The following PLPPR1 variants were observed in gnomAD, a reference collection of about 807,000 sequenced individuals.
PLPPR1 encodes the protein phospholipid phosphatase-related protein type 1.
In PLPPR1, 10 loss-of-function variants were observed where a neutral mutation model predicts 33.1. The ratio of observed to expected loss-of-function variants is 0.30; its 90% CI spans 0.19 to 0.51. The LOEUF (loss-of-function observed/expected upper bound fraction) is 0.51. Ranked by LOEUF, PLPPR1 falls within the 20% of genes least tolerant of loss-of-function variation. The probability of loss-of-function intolerance (pLI) is 0.97; values close to 1 mark genes in which losing one functional copy is unlikely to be tolerated. For synonymous variants in PLPPR1, 151 were observed against 151.0 expected (o/e 1.00, Z 0.00); for missense variants, 304 against 408.1 (o/e 0.74, Z 2.20).
intron 1 of PLPPR1, among the ~76,000 whole-genome samples, chr9:101,063,413 T>C (rs751003498): frequency 6.6e-6 from 1 of 152,058 alleles, no homozygotes; most frequent in South Asian, 2.1e-4. Context: ...AGTACCCTTC[T>C]AGTGGTGGCA....
At chr9:101,044,475 C>G (rs539921053) in intron 1 of PLPPR1, among the ~76,000 whole-genome samples, 1 of 152,288 alleles carries the variant, frequency 6.6e-6, no homozygotes, top group East Asian at 1.9e-4. Flanking sequence ...TGAGAATTTT[C>G]TTAACCCCTC....
intron 1 of PLPPR1, among the ~76,000 whole-genome samples, chr9:101,052,129 C>T (rs1441036577): frequency 6.6e-6 from 1 of 152,052 alleles, no homozygotes; most frequent in Non-Finnish European, 1.5e-5. Flanking sequence ...ATCTCTTATG[C>T]TTATGGTAAG....
At chr9:101,066,839 C>T (rs1004826115) in intron 1 of PLPPR1, among the ~76,000 whole-genome samples, 4 of 151,930 alleles carry the variant, frequency 2.6e-5, no homozygotes, top group Admixed American at 2.6e-4. Flanking sequence ...TATTAGAAAC[C>T]AAGAACTAGC....
intron 1 of PLPPR1, among the ~76,000 whole-genome samples, chr9:101,085,015 T>C (rs1830660677): frequency 6.6e-6 from 1 of 152,222 alleles, no homozygotes; most frequent in African/African-American, 2.4e-5. Context: ...TATTTCTTTA[T>C]TCCTTGACCA....
intron 1 of PLPPR1, among the ~76,000 whole-genome samples, chr9:101,150,974 T>C (rs1831577607): frequency 6.6e-6 from 1 of 152,192 alleles, no homozygotes; most frequent in African/African-American, 2.4e-5. Context: ...ACATGATTGG[T>C]CTGCTGTAGT....
intron 1 of PLPPR1, among the ~76,000 whole-genome samples, chr9:101,108,860 C>G (rs945651447): frequency 2.6e-5 from 4 of 151,724 alleles, no homozygotes; most frequent in African/African-American, 9.7e-5. Flanking sequence ...AGTGTTATTC[C>G]TGAATTAATA....
intron 1 of PLPPR1, among the ~76,000 whole-genome samples, chr9:101,034,750 A>C (rs1050081689): frequency 6.6e-6 from 1 of 151,962 alleles, no homozygotes; most frequent in Non-Finnish European, 1.5e-5. Flanking sequence ...GGTTAAAAAC[A>C]TAAAGCTTTG....
At chr9:101,162,885 A>G (rs748018210) in intron 1 of PLPPR1, among the ~76,000 whole-genome samples, 12 of 152,132 alleles carry the variant, frequency 7.9e-5, no homozygotes, top group African/African-American at 1.2e-4. Flanking sequence ...TTGGTTCATC[A>G]TTCTCCTTAA....
At chr9:101,109,662 A>AT (rs368969078) in intron 1 of PLPPR1, among the ~76,000 whole-genome samples, 6 of 152,240 alleles carry the variant, frequency 3.9e-5, no homozygotes, top group African/African-American at 1.4e-4. Flanking sequence ...CTTAATGTTG[A>AT]TTTTTTTAGC....
At chr9:101,081,983 T>C (rs1328562359) in intron 1 of PLPPR1, among the ~76,000 whole-genome samples, 2 of 152,192 alleles carry the variant, frequency 1.3e-5, no homozygotes, top group Non-Finnish European at 2.9e-5. Context: ...TTTAAGCAGG[T>C]GCAATGCTCT....
At chr9:101,233,838 A>T (rs1827240592) in intron 2 of PLPPR1, among the ~76,000 whole-genome samples, 8 of 151,942 alleles carry the variant, frequency 5.3e-5, no homozygotes, top group Admixed American at 5.3e-4. Context: ...AGTGGCCAGA[A>T]CAACTTTGCA....
chr9:101,216,661 T>C (rs1322948173), intron 2 of PLPPR1, among the ~76,000 whole-genome samples: 1 of 152,256 alleles, frequency 6.6e-6, no homozygotes, highest in Non-Finnish European at 1.5e-5. Flanking sequence ...CTTAAGGTAC[T>C]TACATCAGTA....
At chr9:101,286,434 T>G (rs573999970) in intron 4 of PLPPR1, among the ~76,000 whole-genome samples, 198 bp downstream of exon 4, 15 of 152,314 alleles carry the variant, frequency 9.8e-5, no homozygotes, top group Non-Finnish European at 7.3e-5. Flanking sequence ...TGATTTCAAC[T>G]GATTTTCCCC....
At chr9:101,135,931 A>G (rs2118622171) in intron 1 of PLPPR1, among the ~76,000 whole-genome samples, 1 of 152,330 alleles carries the variant, frequency 6.6e-6, no homozygotes, top group East Asian at 1.9e-4. Context: ...GGTTTATTTT[A>G]GATGGCTATG....
chr9:101,034,712 T>C (rs371622478), intron 1 of PLPPR1, among the ~76,000 whole-genome samples: 2 of 151,932 alleles, frequency 1.3e-5, no homozygotes, highest in African/African-American at 4.8e-5. Context: ...ACCTAATAAA[T>C]GGAGAGTATT....
chr9:101,098,445 G>A (rs1000777941), intron 1 of PLPPR1, among the ~76,000 whole-genome samples: 5 of 152,076 alleles, frequency 3.3e-5, no homozygotes, highest in Admixed American at 6.6e-5. Flanking sequence ...GGGTCTGGAG[G>A]TCAGGGAATA....
chr9:101,191,036 C>T (rs1826289116), intron 2 of PLPPR1, among the ~76,000 whole-genome samples: 1 of 152,224 alleles, frequency 6.6e-6, no homozygotes. Context: ...CTGGCCAGAT[C>T]CCTTAAAAAT....
chr9:101,175,476 A>G (rs1826005555), intron 1 of PLPPR1, among the ~76,000 whole-genome samples: 1 of 152,180 alleles, frequency 6.6e-6, no homozygotes, highest in Admixed American at 6.5e-5. Flanking sequence ...TGCCTAAAAG[A>G]TAACACATCT....
At chr9:101,086,362 C>G (rs57052979) in intron 1 of PLPPR1, among the ~76,000 whole-genome samples, 8,863 of 152,210 alleles carry the variant, frequency 0.058, 672 homozygotes, top group East Asian at 0.25. Context: ...GCCAATCTGT[C>G]AGGGAGCTCT....
Sources: gnomAD v4.1 joint callset for allele counts (sites outside exome capture counted in the v4.1 genomes callset) on GRCh38, gnomAD v4.1.1 for gene constraint, MANE v1.5 for transcripts, NCBI Gene and HGNC (gene_info 2026-07-23, HGNC 2026-07-21) for gene names.